The following ZNF385D variants were observed in gnomAD, a reference collection of about 807,000 sequenced individuals.
ZNF385D encodes zinc finger protein 385D, also known as zinc finger protein 659.
ZNF385D carries 15 observed loss-of-function variants against 35.8 expected under a neutral mutation model. The observed-to-expected ratio is 0.42, with a 90% CI of 0.28 to 0.64. The LOEUF is 0.64. Ranked by LOEUF, ZNF385D falls within the 30% of genes least tolerant of loss-of-function variation. The pLI is 0.23. For synonymous variants in ZNF385D, 212 were observed against 186.8 expected, an observed-to-expected ratio of 1.13 and a Z score of -1.10; for missense variants, 474 against 494.6, an observed-to-expected ratio of 0.96 and a Z score of 0.39.
chr3:22,301,904 T>C (rs76521914), intron 2 of ZNF385D, among the ~76,000 whole-genome samples: 1,732 of 152,222 alleles, frequency 0.011, 10 homozygotes, highest in Non-Finnish European at 0.02. Context: ...TTGTAGTATA[T>C]TGTGGTTTGA....
intron 3 of ZNF385D, among the ~76,000 whole-genome samples, chr3:22,085,441 TA>T (rs2125591051): frequency 6.6e-6 from 1 of 152,250 alleles, no homozygotes; most frequent in Non-Finnish European, 1.5e-5. Context: ...GAGAATACTA[TA>T]AACACCTCCA....
intron 3 of ZNF385D, among the ~76,000 whole-genome samples, chr3:21,996,941 T>A (rs982761720): frequency 7.2e-5 from 11 of 152,326 alleles, no homozygotes; most frequent in Non-Finnish European, 1.6e-4. Flanking sequence ...TGAGTTTGTT[T>A]CCAAACGACA....
intron 1 of ZNF385D, among the ~76,000 whole-genome samples, chr3:21,709,631 A>T (rs775550404): frequency 6.6e-6 from 1 of 152,222 alleles, no homozygotes; most frequent in Non-Finnish European, 1.5e-5. Flanking sequence ...TAAATAAACT[A>T]TAAGAGAAAA....
At chr3:21,849,383 G>A (rs916823973) in intron 3 of ZNF385D, among the ~76,000 whole-genome samples, 19 of 151,960 alleles carry the variant, frequency 1.3e-4, no homozygotes, top group Admixed American at 1.2e-3. Flanking sequence ...TTATTACATA[G>A]CATGCTTTTC....
intron 3 of ZNF385D, among the ~76,000 whole-genome samples, chr3:21,980,710 C>G (rs1158474397): frequency 6.6e-6 from 1 of 152,164 alleles, no homozygotes; most frequent in African/African-American, 2.4e-5. Context: ...GTTCCTATCC[C>G]TCCTCTTTCT....
chr3:21,945,144 G>GTATATATA (rs1491234736), intron 3 of ZNF385D, among the ~76,000 whole-genome samples: 3 of 150,502 alleles, frequency 2.0e-5, no homozygotes, highest in South Asian at 2.1e-4. Flanking sequence ...ATATGTATAT[G>GTATATATA]CATATATATA....
chr3:22,106,205 T>C (rs1345434351), intron 3 of ZNF385D, among the ~76,000 whole-genome samples: 1 of 152,112 alleles, frequency 6.6e-6, no homozygotes, highest in African/African-American at 2.4e-5. Flanking sequence ...CTGCCATAAA[T>C]ATTAGGTTGT....
chr3:22,096,236 G>C (rs945129461), intron 3 of ZNF385D, among the ~76,000 whole-genome samples: 7 of 151,932 alleles, frequency 4.6e-5, no homozygotes, highest in Non-Finnish European at 7.4e-5. Context: ...TACCTGGGTG[G>C]CAAGATCATT....
At chr3:22,372,518 C>A in exon 2 of ZNF385D, 1 of 985,924 alleles carries the variant, frequency 1.0e-6, no homozygotes, top group Non-Finnish European at 1.2e-6. Context: ...GCTCTTCATT[C>A]TCCTGCTGGC....
intron 3 of ZNF385D, among the ~76,000 whole-genome samples, chr3:21,898,419 C>T (rs1396898823): frequency 6.6e-6 from 1 of 152,250 alleles, no homozygotes; most frequent in South Asian, 2.1e-4. Context: ...AAACTTCCTA[C>T]ATAAACACAT....
intron 2 of ZNF385D, among the ~76,000 whole-genome samples, chr3:22,243,741 C>G (rs528882981): frequency 6.6e-6 from 1 of 150,790 alleles, no homozygotes; most frequent in African/African-American, 2.5e-5. Flanking sequence ...AGATATTGAG[C>G]CTGGAAAAAT....
intron 3 of ZNF385D, among the ~76,000 whole-genome samples, chr3:21,825,538 T>C (rs1694551425): frequency 6.6e-6 from 1 of 152,106 alleles, no homozygotes; most frequent in African/African-American, 2.4e-5. Context: ...CTTACAAGCC[T>C]TGTGAATGAC....
chr3:21,723,258 A>C (rs2068615003), intron 1 of ZNF385D, among the ~76,000 whole-genome samples: 1 of 152,172 alleles, frequency 6.6e-6, no homozygotes, highest in Non-Finnish European at 1.5e-5. Context: ...CAAAGGATCA[A>C]AACTCCTCGC....
chr3:22,228,672 G>A (rs1474643352), intron 2 of ZNF385D, among the ~76,000 whole-genome samples: 23 of 152,202 alleles, frequency 1.5e-4, no homozygotes, highest in Admixed American at 1.4e-3. Flanking sequence ...GTGGGTCTGT[G>A]AGGGTGTTGT....
intron 3 of ZNF385D, among the ~76,000 whole-genome samples, chr3:22,010,595 C>G (rs533929102): frequency 1.3e-4 from 20 of 152,122 alleles, no homozygotes; most frequent in Non-Finnish European, 2.6e-4. Flanking sequence ...GCCTAGAAAT[C>G]CAGTCTAAGA....
chr3:22,043,964 G>T (rs1422677586), intron 3 of ZNF385D, among the ~76,000 whole-genome samples: 2 of 152,002 alleles, frequency 1.3e-5, no homozygotes, highest in African/African-American at 4.8e-5. Flanking sequence ...GGCTGGAGTG[G>T]GTTGAGAATA....
chr3:21,670,133 A>G (rs1371695324), intron 1 of ZNF385D, among the ~76,000 whole-genome samples: 2 of 152,162 alleles, frequency 1.3e-5, no homozygotes, highest in Non-Finnish European at 2.9e-5. Flanking sequence ...TGCATCATTA[A>G]AACATATATA....
At chr3:21,975,066 G>A (rs1253908515) in intron 3 of ZNF385D, among the ~76,000 whole-genome samples, 1 of 152,176 alleles carries the variant, frequency 6.6e-6, no homozygotes, top group Non-Finnish European at 1.5e-5. Flanking sequence ...ACCACTGCTA[G>A]GTATGTACCC....
chr3:21,773,860 G>C (rs147990433), intron 3 of ZNF385D, among the ~76,000 whole-genome samples: 3,101 of 152,054 alleles, frequency 0.02, 119 homozygotes, highest in African/African-American at 0.07. Context: ...AGATGCTGTG[G>C]CAATTCCTCA....
Sources: gnomAD v4.1 joint callset for allele counts (sites outside exome capture counted in the v4.1 genomes callset) on GRCh38, gnomAD v4.1.1 for gene constraint, MANE v1.5 for transcripts, NCBI Gene and HGNC (gene_info 2026-07-23, HGNC 2026-07-21) for gene names.